The following WIPF2 variants were observed in gnomAD, a reference collection of about 807,000 sequenced individuals.
The protein encoded by WIPF2 is WAS/WASL-interacting protein family member 2.
A neutral mutation model predicts 38.8 loss-of-function variants in WIPF2; 23 were observed. That is an observed-to-expected ratio of 0.59 (90% confidence interval 0.43 to 0.84). The LOEUF (loss-of-function observed/expected upper bound fraction) is 0.84, where lower values mean the gene tolerates loss of function less well. Among genes scored for constraint, WIPF2 ranks in the 40% least tolerant of loss-of-function variants. The pLI is 0.00. For missense variants in WIPF2, 574 were observed against 580.5 expected, an observed-to-expected ratio of 0.99 and a Z score of 0.11; for synonymous variants, 210 against 223.2, an observed-to-expected ratio of 0.94 and a Z score of 0.53.
At chr17:40,227,812 G>A (rs1237129696) in intron 1 of WIPF2, among the ~76,000 whole-genome samples, 1 of 151,898 alleles carries the variant, frequency 6.6e-6, no homozygotes, top group East Asian at 1.9e-4. Flanking sequence ...TTGTGCCACT[G>A]CACTCCAGCC....
At chr17:40,222,405 C>T (rs1173723982) in intron 1 of WIPF2, among the ~76,000 whole-genome samples, 1 of 150,710 alleles carries the variant, frequency 6.6e-6, no homozygotes, top group Non-Finnish European at 1.5e-5. Context: ...TGCCTATAAT[C>T]CCAACGCTTT....
chr17:40,264,625 G>A lies in WIPF2; in HGVS notation c.449G>A (p.Arg150Gln), dbSNP rs371615084. The A allele has an allele frequency of 1.7e-5, 27 of 1,613,940 alleles. No homozygotes were observed. In the African/African-American group the frequency reaches 1.9e-4, roughly 11 times the overall value. Reference protein sequence around the residue: ...SSRASLPELPRMQRPSLPDLS... With the variant: ...SSRASLPELPQMQRPSLPDLS... ...CGGGCCTCACTCCCAGAACTGCCCC[G>A]GATGCAGAGACCCTCTTTACCGGAC... Residue 150 changes from arginine (R) to glutamine (Q), a missense_variant, in exon 5 of 8, where the codon CGG becomes CAG. By Grantham distance (43) the Arg-to-Gln change is conservative. Transcript: ENST00000323571.
chr17:40,257,636 C>T (rs1260566534), intron 2 of WIPF2, among the ~76,000 whole-genome samples: 1 of 150,962 alleles, frequency 6.6e-6, no homozygotes, highest in African/African-American at 2.4e-5. Flanking sequence ...ATACCAGCCA[C>T]TCAGGAGGCT....
Position 40,274,557 on chromosome 17 carries a change from G to GAAAA in WIPF2, c.1180+586_1180+589dup, listed in dbSNP as rs571085371. Among the ~76,000 whole-genome samples the GAAAA allele has an allele frequency of 4.7e-3, 117 of 24,762 alleles. 4 individuals are homozygous for GAAAA. Among genetic ancestry groups the GAAAA allele is most frequent in the African/African-American group, 6.2e-3 (42 of 6,822 alleles). The allele number at this position is 24,762 out of a possible 152,430, so 16.2% of individuals were successfully genotyped here. ...CATCCAGCCTTTCCTTGGAATTCTT[G>GAAAA]AAAAAAAAAAAAAAAAAAAAAAAAA... On this transcript the variant is annotated intron_variant, in intron 6 of 7. Coordinates refer to ENST00000323571, the MANE Select transcript of WIPF2 (RefSeq NM_133264.5).
chr17:40,247,039 A>T (rs1251556154), intron 1 of WIPF2, among the ~76,000 whole-genome samples: 2 of 149,986 alleles, frequency 1.3e-5, no homozygotes, highest in Non-Finnish European at 3.0e-5. Flanking sequence ...TGAACCTGGG[A>T]GGTGGAGGAG....
chr17:40,264,952 C>T lies in WIPF2; in HGVS notation c.776C>T (p.Pro259Leu), dbSNP rs756746399. The T allele has an allele frequency of 4.3e-6, 7 of 1,614,080 alleles. No homozygotes were observed. In the African/African-American group the frequency reaches 9.3e-5, roughly 22 times the overall value. The change falls in exon 5 of 8, where the codon CCT becomes CTT. Residue 259 changes from proline to leucine, a missense_variant. Transcript: ENST00000323571. ...APPPPPYRQP[P>L]GVPNGPSSPT... is the part of the protein sequence containing the mutation. ...CCTCCTCCGCCTTACCGCCAGCCTC[C>T]TGGGGTCCCCAATGGACCCTCTAGC...
At chr17:40,233,054 C>T (rs978059371) in intron 1 of WIPF2, among the ~76,000 whole-genome samples, 1 of 152,148 alleles carries the variant, frequency 6.6e-6, no homozygotes, top group African/African-American at 2.4e-5. Context: ...GGTTGTTGAT[C>T]ACTGTGTGGT....
intron 1 of WIPF2, among the ~76,000 whole-genome samples, chr17:40,228,239 T>C (rs530357206): frequency 6.6e-6 from 1 of 151,588 alleles, no homozygotes; most frequent in African/African-American, 2.4e-5. Context: ...ATGGTCTCGA[T>C]CTCCTGACCT....
At position 40,251,028 on chromosome 17, in the gene WIPF2, C is replaced by T. The variant is rs557666015; in HGVS notation, c.-69-5363C>T. Among the ~76,000 whole-genome samples the T allele has an allele frequency of 2.0e-5, 3 of 151,262 alleles. No homozygotes were observed. The East Asian group carries it at 5.9e-4, about 30-fold the overall frequency. ...TCCTGGGTTCATGCTATTCTCCTGC[C>T]TCAGCCTCCCGAGTAGCTGGGACTA... On this transcript the variant is annotated intron_variant, in intron 1 of 7. Transcript: ENST00000323571.
chr17:40,233,029 TA>T (rs1450428538), intron 1 of WIPF2, among the ~76,000 whole-genome samples: 1 of 152,174 alleles, frequency 6.6e-6, no homozygotes, highest in East Asian at 1.9e-4. Context: ...TGCCCTCTGT[TA>T]GAGTAAGCTG....
chr17:40,272,309 G>A (rs1450000223), intron 5 of WIPF2, among the ~76,000 whole-genome samples: 3 of 152,092 alleles, frequency 2.0e-5, no homozygotes, highest in African/African-American at 4.8e-5. Flanking sequence ...GTGAGCCACC[G>A]TGCCTGGCAT....
chr17:40,278,169 T>G lies in WIPF2; in HGVS notation c.1283-16T>G. On this transcript the variant is annotated splice_polypyrimidine_tract_variant and intron_variant, in intron 7 of 7. Coordinates refer to ENST00000323571, the MANE Select transcript of WIPF2 (RefSeq NM_133264.5). Reference sequence around the variant, plus strand: ...GTGACCTGTATGTGTGTGGTCTTTATTTTGTTTTTTTTCAGCTGCCCGTGG... The same window carrying G: ...GTGACCTGTATGTGTGTGGTCTTTAGTTTGTTTTTTTTCAGCTGCCCGTGG... 1 of 1,611,326 alleles carries G rather than the reference T, an allele frequency of 6.2e-7. No individual in the cohort carries two copies. The highest frequency in any genetic ancestry group is 8.5e-7 in the Non-Finnish European group (1 of 1,178,716).
chr17:40,260,922 G>T (rs1384087390), intron 3 of WIPF2: 1 of 475,646 alleles, frequency 2.1e-6, no homozygotes. Context: ...GGAGGTCAAG[G>T]TGGAAAGATT....
At chr17:40,250,414 A>ATTTT (rs555271448) in intron 1 of WIPF2, among the ~76,000 whole-genome samples, 1 of 107,072 alleles carries the variant, frequency 9.3e-6, no homozygotes, top group Non-Finnish European at 2.0e-5. Context: ...GTATTTTTGT[A>ATTTT]TTTTTTTTTT....
At chr17:40,230,476 T>TG (rs2030693878) in intron 1 of WIPF2, among the ~76,000 whole-genome samples, 1 of 152,152 alleles carries the variant, frequency 6.6e-6, no homozygotes, top group African/African-American at 2.4e-5. Flanking sequence ...GTCTGATGCT[T>TG]GTGCAGTGAA....
rs560534183 is a variant in WIPF2 at position 40,238,906 on chromosome 17, C to T, written c.-69-17485C>T. Among the ~76,000 whole-genome samples the T allele has an allele frequency of 1.4e-4, 22 of 151,810 alleles. No homozygotes were observed. In the East Asian group the frequency reaches 2.5e-3, roughly 17 times the overall value. ...GATTACAGACGTGAGCCACCGTGCC[C>T]GGCCATTTATTTTTTAAGAGATGGG... On this transcript the variant is annotated intron_variant, in intron 1 of 7. Coordinates refer to ENST00000323571, the MANE Select transcript of WIPF2 (RefSeq NM_133264.5).
intron 1 of WIPF2, among the ~76,000 whole-genome samples, chr17:40,246,093 CT>C (rs552563309): frequency 0.055 from 7,656 of 140,342 alleles, 310 homozygotes; most frequent in African/African-American, 0.11. Context: ...CAATGCTACT[CT>C]TTTTTTTTTT....
rs139684958 is a variant in WIPF2, at chr17:40,282,414, G to A, written c.*4189G>A. ...CATGGTGCCCTCCATGGAAGTCACAGTCAACACTGAATAAATGACTAGAAT... is the reference window on the plus strand; with the variant it reads ...CATGGTGCCCTCCATGGAAGTCACAATCAACACTGAATAAATGACTAGAAT... On this transcript the variant is annotated 3_prime_UTR_variant, in exon 8 of 8. Transcript: ENST00000323571. 4 of 152,346 alleles carry A rather than the reference G, an allele frequency of 2.6e-5. No individual in the cohort carries two copies. Among genetic ancestry groups the A allele is most frequent in the Non-Finnish European group, 5.9e-5 (4 of 68,038 alleles). The allele number at this position is 152,346 out of a possible 1,614,324, so 9.4% of individuals were successfully genotyped here.
intron 1 of WIPF2, among the ~76,000 whole-genome samples, chr17:40,239,046 T>TTTTA (rs57564513): frequency 0.26 from 35,444 of 138,678 alleles, 5,306 homozygotes; most frequent in East Asian, 0.46. Context: ...GTTTATTTTA[T>TTTTA]TTTATTTATT....
Sources: allele counts gnomAD v4.1 joint callset (sites outside exome capture counted in the v4.1 genomes callset), GRCh38; gene constraint gnomAD v4.1.1; transcripts MANE v1.5; gene names NCBI Gene and HGNC (gene_info 2026-07-23, HGNC 2026-07-21).